Variants in NBAS observed in about 807,000 individuals in gnomAD.
NBAS encodes NBAS subunit of NRZ tethering complex, also known as NAG/BC035112 fusion.
Under a neutral mutation model 302.5 loss-of-function variants are expected in NBAS, and 219 were observed. The ratio of observed to expected loss-of-function variants is 0.72; its 90% CI spans 0.65 to 0.81. The LOEUF is 0.81. Among genes scored for constraint, NBAS ranks in the 30% least tolerant of loss-of-function variants. NBAS has a pLI of 0.00. For missense variants in NBAS, 2,932 were observed against 2,841.6 expected, an observed-to-expected ratio of 1.03 and a Z score of -0.72; for synonymous variants, 1,118 against 1,021.6, an observed-to-expected ratio of 1.09 and a Z score of -1.80.
At chr2:15,434,193 A>G in intron 21 of NBAS, among the ~76,000 whole-genome samples, 1 of 152,196 alleles carries the variant, frequency 6.6e-6, no homozygotes, top group East Asian at 1.9e-4. Context: ...AGGCTGCTCT[A>G]TACAAGATGA....
chr2:15,092,867 T>A, the NBAS span, among the ~76,000 whole-genome samples: 2 of 152,286 alleles, frequency 1.3e-5, no homozygotes, highest in South Asian at 4.1e-4. Context: ...TCAGAGCTGG[T>A]GAGTCACCGC....
the NBAS span, among the ~76,000 whole-genome samples, chr2:15,042,347 C>T: frequency 7.9e-5 from 12 of 152,160 alleles, no homozygotes; most frequent in Non-Finnish European, 1.6e-4. Flanking sequence ...ATAATTTAGT[C>T]TGGTTTCTAC....
At chr2:15,539,391 A>G in intron 6 of NBAS, 35 bp from the exon 7 acceptor site, 2 of 1,613,324 alleles carry the variant, frequency 1.2e-6, no homozygotes, top group Non-Finnish European at 8.5e-7. Context: ...GCTTCTAACA[A>G]TATATTACAA....
intron 44 of NBAS, among the ~76,000 whole-genome samples, chr2:15,240,015 G>T (rs972746021): frequency 2.0e-5 from 3 of 152,070 alleles, no homozygotes; most frequent in Non-Finnish European, 4.4e-5. Context: ...GCCTTCTCAG[G>T]CCTCACTGAT....
At chr2:15,294,216 C>T (rs1366711290) in intron 40 of NBAS, among the ~76,000 whole-genome samples, 2 of 152,132 alleles carry the variant, frequency 1.3e-5, no homozygotes, top group East Asian at 1.9e-4. Context: ...CAGGTGTTAT[C>T]GAAGTCTTCT....
At chr2:15,174,265 C>G (rs1664431237) in intron 51 of NBAS, among the ~76,000 whole-genome samples, 1 of 152,180 alleles carries the variant, frequency 6.6e-6, no homozygotes, top group African/African-American at 2.4e-5. Context: ...TATGGTTCTC[C>G]CCCCAGCTTG....
At chr2:15,468,658 G>C in intron 16 of NBAS, 125 bp from the exon 17 acceptor site, 1 of 1,107,136 alleles carries the variant, frequency 9.0e-7, no homozygotes, top group African/African-American at 1.5e-5. Context: ...TTGGCCATAG[G>C]GAGCTGCTAG....
At chr2:15,378,763 T>C (rs1558286126) in intron 30 of NBAS, among the ~76,000 whole-genome samples, 1 of 152,170 alleles carries the variant, frequency 6.6e-6, no homozygotes, top group Non-Finnish European at 1.5e-5. Flanking sequence ...GCATATCACT[T>C]TTACATTATC....
intron 31 of NBAS, among the ~76,000 whole-genome samples, chr2:15,370,220 C>A (rs1376837701): frequency 3.9e-5 from 6 of 152,166 alleles, no homozygotes; most frequent in Non-Finnish European, 7.4e-5. Context: ...CCCTAGGCAA[C>A]CTAGGCAAGT....
chr2:14,992,371 C>A, the NBAS span, among the ~76,000 whole-genome samples: 1 of 152,128 alleles, frequency 6.6e-6, no homozygotes, highest in Admixed American at 6.6e-5. Context: ...AATTTATACC[C>A]TCCTCTGCTC....
intron 11 of NBAS, among the ~76,000 whole-genome samples, chr2:15,502,910 T>C (rs1017829732): frequency 7.9e-5 from 12 of 152,260 alleles, no homozygotes; most frequent in African/African-American, 2.4e-4. Flanking sequence ...TGTGATAACA[T>C]TAGCTTAAAA....
rs1416803373 is a variant in NBAS, at chr2:15,330,532, G to C, written c.4347+66C>G. The stretch of plus-strand genomic sequence containing the variant: ...TAAAGATATAACAGTGAAAACAACT[G>C]AAACATTGCTAATGAATTTATATAA... On this transcript the variant is annotated intron_variant, in intron 36 of 51. Transcript: ENST00000281513. The C allele has an allele frequency of 1.9e-6, 3 of 1,595,406 alleles. No homozygotes were observed. The African/African-American group carries it at 4.0e-5, about 21-fold the overall frequency.
chr2:15,497,414 T>C (rs1681110811), intron 11 of NBAS, among the ~76,000 whole-genome samples: 1 of 152,122 alleles, frequency 6.6e-6, no homozygotes, highest in South Asian at 2.1e-4. Flanking sequence ...ACTCTGAAGA[T>C]GATACTGGTA....
At chr2:15,009,692 GC>G in the NBAS span, among the ~76,000 whole-genome samples, 1 of 17,350 alleles carries the variant, frequency 5.8e-5, no homozygotes, top group East Asian at 1.2e-3. Flanking sequence ...ATGTAGGAAT[GC>G]ATATATATAT....
rs1164445925 is a variant in NBAS, at chr2:15,536,444, T to G, written c.621A>C (p.Arg207=). The G allele has an allele frequency of 1.2e-6, 2 of 1,613,630 alleles. No individual in the cohort carries two copies. The highest frequency in any genetic ancestry group is 8.5e-7 in the Non-Finnish European group (1 of 1,179,966). The change falls in exon 8 of 52, where the codon CGA becomes CGC. Residue 207 remains arginine (R), a synonymous_variant. Transcript: ENST00000281513. ...WSAELLVINY[R]GELRSYLVSV... Reference sequence around the variant, plus strand: ...TTACAAGGTAACTTCTAAGTTCTCCTCGGTAATTGATGACCAGGAGTTCTG... The same window carrying G: ...TTACAAGGTAACTTCTAAGTTCTCCGCGGTAATTGATGACCAGGAGTTCTG...
At chr2:15,371,788 G>A (rs543616502) in intron 31 of NBAS, among the ~76,000 whole-genome samples, 2 of 152,204 alleles carry the variant, frequency 1.3e-5, no homozygotes, top group South Asian at 4.1e-4. Context: ...GATGGAAAGA[G>A]GGCAATGAAC....
the NBAS span, among the ~76,000 whole-genome samples, chr2:15,022,847 A>AT: frequency 6.6e-6 from 1 of 152,042 alleles, no homozygotes; most frequent in East Asian, 1.9e-4. Context: ...GGAATGTTTG[A>AT]TTTTTAAAAA....
the NBAS span, among the ~76,000 whole-genome samples, chr2:14,847,551 T>C: frequency 2.0e-5 from 3 of 150,588 alleles, no homozygotes; most frequent in Non-Finnish European, 3.0e-5. Context: ...AAGGTCACTA[T>C]ATAATGATAA....
At chr2:14,839,713 A>G in the NBAS span, among the ~76,000 whole-genome samples, 1 of 152,042 alleles carries the variant, frequency 6.6e-6, no homozygotes, top group Admixed American at 6.6e-5. Context: ...GGCACCATCT[A>G]CTGCTGAAAA....
Sources: gnomAD v4.1 joint callset for allele counts (sites outside exome capture counted in the v4.1 genomes callset) on GRCh38, gnomAD v4.1.1 for gene constraint, MANE v1.5 for transcripts, NCBI Gene and HGNC (gene_info 2026-07-23, HGNC 2026-07-21) for gene names.